Variants in ARMC9 observed in about 807,000 individuals in gnomAD.
ARMC9 encodes lisH domain-containing protein ARMC9.
A neutral mutation model predicts 107.0 loss-of-function variants in ARMC9; 94 were observed. The observed-to-expected ratio is 0.88, with a 90% CI of 0.74 to 1.04. The LOEUF is 1.04. Ranked by LOEUF, ARMC9 falls within the 50% of genes least tolerant of loss-of-function variation. The pLI, the probability that ARMC9 is intolerant of heterozygous loss-of-function variation, is 0.00. For missense variants in ARMC9, 942 were observed against 1,030.1 expected (o/e 0.91, Z 1.17); for synonymous variants, 380 against 396.9 (o/e 0.96, Z 0.51).
intron 9 of ARMC9, among the ~76,000 whole-genome samples, chr2:231,249,079 T>C (rs1363415052): frequency 1.3e-5 from 2 of 152,180 alleles, no homozygotes; most frequent in Admixed American, 1.3e-4. Context: ...AATGGCCTCA[T>C]CTTCAGGGGC....
At chr2:231,361,222 T>G (rs2045564520) in intron 23 of ARMC9, among the ~76,000 whole-genome samples, 1 of 152,012 alleles carries the variant, frequency 6.6e-6, no homozygotes, top group Admixed American at 6.6e-5. Flanking sequence ...CTTTTTGCAT[T>G]TGGAGGAAGT....
intron 20 of ARMC9, among the ~76,000 whole-genome samples, chr2:231,341,063 A>C (rs1158468862): frequency 6.6e-6 from 1 of 152,042 alleles, no homozygotes; most frequent in Non-Finnish European, 1.5e-5. Context: ...ATGGTGACGC[A>C]TGCCTGTAGT....
chr2:231,219,926 G>A (rs990174493), intron 5 of ARMC9, among the ~76,000 whole-genome samples: 1 of 152,034 alleles, frequency 6.6e-6, no homozygotes, highest in Admixed American at 6.5e-5. Flanking sequence ...GACCTCCTGG[G>A]CTCAAGTGAT....
At chr2:231,201,324 G>C (rs769662913) in intron 1 of ARMC9, among the ~76,000 whole-genome samples, 10 of 152,334 alleles carry the variant, frequency 6.6e-5, no homozygotes, top group Admixed American at 4.6e-4. Flanking sequence ...CCCTCCCTGA[G>C]GTAGCCACTT....
At chr2:231,312,001 C>T (rs1017368976) in intron 19 of ARMC9, among the ~76,000 whole-genome samples, 21 of 152,096 alleles carry the variant, frequency 1.4e-4, no homozygotes, top group African/African-American at 4.8e-4. Flanking sequence ...GTATAATATA[C>T]TCATGTGTCT....
intron 19 of ARMC9, among the ~76,000 whole-genome samples, chr2:231,306,799 A>G (rs748397774): frequency 3.0e-4 from 46 of 152,328 alleles, no homozygotes; most frequent in Admixed American, 6.5e-4. Context: ...AAGAAACAAC[A>G]TGGGACTTGT....
At chr2:231,356,857 G>A (rs1039615058) in intron 22 of ARMC9, among the ~76,000 whole-genome samples, 4 of 152,184 alleles carry the variant, frequency 2.6e-5, no homozygotes, top group Non-Finnish European at 4.4e-5. Flanking sequence ...CTTAGGGGGC[G>A]TCTGAAAAGT....
chr2:231,319,876 T>G (rs2042904203), intron 19 of ARMC9, among the ~76,000 whole-genome samples: 1 of 152,138 alleles, frequency 6.6e-6, no homozygotes, highest in South Asian at 2.1e-4. Context: ...GAAAATAATA[T>G]AACAGACAGC....
intron 20 of ARMC9, among the ~76,000 whole-genome samples, 199 bp from the exon 21 acceptor site, chr2:231,344,776 A>T (rs951933077): frequency 6.6e-6 from 1 of 152,132 alleles, no homozygotes; most frequent in Non-Finnish European, 1.5e-5. Flanking sequence ...AAATGGTGTG[A>T]TACACAAACC....
Position 231,375,295 on chromosome 2 carries a change from C to A in ARMC9, c.*3760C>A, listed in dbSNP as rs1467585025. On this transcript the variant is annotated 3_prime_UTR_variant, in exon 25 of 25. Transcript: ENST00000611582. The surrounding 1 kb of genome is among the most constrained non-coding windows in gnomAD (Gnocchi z 4.3). ...TTGTTCACATGGTGGCCTCGGGGCTCCCATGGCAGTTAGAGAAATCAAGCC... is the reference window on the plus strand; with the variant it reads ...TTGTTCACATGGTGGCCTCGGGGCTACCATGGCAGTTAGAGAAATCAAGCC... Among the ~76,000 whole-genome samples the A allele has an allele frequency of 6.6e-6, 1 of 152,118 alleles. No homozygotes were observed. Among genetic ancestry groups the A allele is most frequent in the African/African-American group, 2.4e-5 (1 of 41,404 alleles).
At chr2:231,309,636 C>T (rs2042225570) in intron 19 of ARMC9, among the ~76,000 whole-genome samples, 1 of 152,072 alleles carries the variant, frequency 6.6e-6, no homozygotes, top group African/African-American at 2.4e-5. Context: ...TTCCTTGCAA[C>T]TTCAGAATTC....
chr2:231,269,882 C>T (rs1011092168), intron 12 of ARMC9, among the ~76,000 whole-genome samples: 5 of 148,138 alleles, frequency 3.4e-5, no homozygotes, highest in Admixed American at 6.8e-5. Context: ...CCCTCCCCCC[C>T]TATTTGTTTT....
intron 8 of ARMC9, among the ~76,000 whole-genome samples, chr2:231,238,675 T>G (rs1378098929): frequency 6.6e-6 from 1 of 152,232 alleles, no homozygotes; most frequent in Admixed American, 6.5e-5. Flanking sequence ...GTTGAAATTT[T>G]AATACTATAG....
At position 231,296,232 on chromosome 2, in the gene ARMC9, TGATGAA is replaced by T. The variant is rs2041356374; in HGVS notation, c.1764_1769del (p.Glu588_Asp589del). On this transcript the variant is annotated inframe_deletion, in exon 19 of 25. Coordinates refer to ENST00000611582, the MANE Select transcript of ARMC9 (RefSeq NM_001352754.2). Reference sequence around the variant, plus strand: ...CAGATGGTGTTCTTGAATCTGATGATGATGAAGATGAAGATGATGAAGTAAGTTGGA... The same window carrying T: ...CAGATGGTGTTCTTGAATCTGATGATGATGAAGATGATGAAGTAAGTTGGA... The T allele has an allele frequency of 1.1e-5, 17 of 1,613,556 alleles. No individual in the cohort carries two copies. The highest frequency in any genetic ancestry group is 1.4e-5 in the Non-Finnish European group (16 of 1,179,750).
chr2:231,262,433 C>A, intron 12 of ARMC9, 35 bp downstream of exon 12: 1 of 1,558,936 alleles, frequency 6.4e-7, no homozygotes, highest in East Asian at 2.2e-5. Context: ...CCAGCCAGGG[C>A]CTTCAATTCT....
intron 1 of ARMC9, among the ~76,000 whole-genome samples, chr2:231,201,936 ACTCT>A (rs1228091252): frequency 2.3e-5 from 3 of 130,202 alleles, no homozygotes; most frequent in African/African-American, 8.9e-5. Flanking sequence ...TTCCGTTCCC[ACTCT>A]CCCTTCTCTT....
intron 12 of ARMC9, 147 bp downstream of exon 12, chr2:231,262,545 GCTTA>G: frequency 1.3e-6 from 1 of 769,578 alleles, no homozygotes; most frequent in Non-Finnish European, 2.1e-6. Flanking sequence ...CTGGGCATTG[GCTTA>G]CTTTTTGCTT....
chr2:231,243,020 G>A (rs1479554708), intron 9 of ARMC9, among the ~76,000 whole-genome samples: 3 of 152,174 alleles, frequency 2.0e-5, no homozygotes, highest in Non-Finnish European at 2.9e-5. Flanking sequence ...GCCGAGGCGG[G>A]CAGATGACAA....
rs1030028943 is a variant in ARMC9, at chr2:231,304,075, C to A, written c.1773+7822C>A. Among the ~76,000 whole-genome samples, 3 of 151,850 alleles carry A rather than the reference C, an allele frequency of 2.0e-5. No homozygotes were observed. In the South Asian group the frequency reaches 6.2e-4, roughly 32 times the overall value. ...TAAAACCCCATCTCTACTGAAAATA[C>A]AAAAGTTAGCTGGGTGTGGTGGCGC... On this transcript the variant is annotated intron_variant, in intron 19 of 24. Coordinates refer to ENST00000611582, the MANE Select transcript of ARMC9 (RefSeq NM_001352754.2).
Sources: gnomAD v4.1 joint callset for allele counts (sites outside exome capture counted in the v4.1 genomes callset) on GRCh38, gnomAD v4.1.1 for gene constraint, Gnocchi (gnomAD v3.1) non-coding constraint, MANE v1.5 for transcripts, NCBI Gene and HGNC (gene_info 2026-07-23, HGNC 2026-07-21) for gene names.